Variants in SVOP observed in about 807,000 individuals in gnomAD.
SVOP encodes the protein synaptic vesicle 2-related protein.
In SVOP, 17 loss-of-function variants were observed where a neutral mutation model predicts 69.1. The observed-to-expected ratio is 0.25, with a 90% CI of 0.17 to 0.37. The LOEUF (loss-of-function observed/expected upper bound fraction) is 0.37. SVOP is among the 10% of genes least tolerant of loss of function. The pLI is 1.00. For synonymous variants in SVOP, 238 were observed against 238.6 expected (o/e 1.00, Z 0.02); for missense variants, 435 against 597.5 (o/e 0.73, Z 2.84).
At chr12:109,001,499 A>G (rs1366904811) in intron 1 of SVOP, among the ~76,000 whole-genome samples, 1 of 149,268 alleles carries the variant, frequency 6.7e-6, no homozygotes, top group Non-Finnish European at 1.5e-5. Flanking sequence ...CCGCATTGCC[A>G]AGTCAATCCT....
chr12:108,996,009 T>TACAC (rs148548353), intron 1 of SVOP, among the ~76,000 whole-genome samples: 4 of 151,516 alleles, frequency 2.6e-5, no homozygotes, highest in Admixed American at 2.0e-4. Flanking sequence ...CATACATACA[T>TACAC]ACACACACAC....
chr12:108,929,091 T>C (rs183752358), intron 11 of SVOP, among the ~76,000 whole-genome samples: 7 of 152,320 alleles, frequency 4.6e-5, no homozygotes, highest in Admixed American at 2.6e-4. Flanking sequence ...GGCACAAAGA[T>C]ACTCAGGCTT....
chr12:108,925,699 A>C (rs780701399), intron 11 of SVOP, among the ~76,000 whole-genome samples: 6 of 152,118 alleles, frequency 3.9e-5, no homozygotes, highest in Non-Finnish European at 8.8e-5. Flanking sequence ...ACTCCAGCAC[A>C]CTGGTCTCCT....
At chr12:108,977,899 AAT>A (rs1415321382) in intron 3 of SVOP, among the ~76,000 whole-genome samples, 1 of 152,214 alleles carries the variant, frequency 6.6e-6, no homozygotes, top group Non-Finnish European at 1.5e-5. Context: ...AATAGAATAT[AAT>A]TGTCAGTATA....
chr12:108,948,034 A>T (rs1446167946), intron 6 of SVOP, among the ~76,000 whole-genome samples: 1 of 152,040 alleles, frequency 6.6e-6, no homozygotes, highest in African/African-American at 2.4e-5. Flanking sequence ...ATCACCCCAG[A>T]GGTACCTAGG....
chr12:108,982,029 CATCATCATCACT>C (rs2040138401), intron 2 of SVOP, among the ~76,000 whole-genome samples: 1 of 151,298 alleles, frequency 6.6e-6, no homozygotes, highest in East Asian at 2.0e-4. Flanking sequence ...TCATCACCAC[CATCATCATCACT>C]ATCATCATCA....
At chr12:109,015,792 C>CAACAA (rs1416146764) in intron 1 of SVOP, among the ~76,000 whole-genome samples, 10 of 152,132 alleles carry the variant, frequency 6.6e-5, no homozygotes, top group African/African-American at 1.2e-4. Context: ...GACTCTGTCT[C>CAACAA]AACAAAACAA....
In SVOP at chr12:108,933,026, A is replaced by T. The variant is rs2039831377; in HGVS notation, c.1048+1169T>A. ...CCTGAGTAGCTGGGATTACAAGCAC[A>T]TACCACCGCAACCAGCTAATTTTTG... is the stretch of plus-strand genomic sequence containing the variant. On this transcript the variant is annotated intron_variant, in intron 11 of 15. Transcript: ENST00000610966. Among the ~76,000 whole-genome samples, 3 of 152,074 alleles carry T rather than the reference A, an allele frequency of 2.0e-5. No homozygotes were observed. In the South Asian group the frequency reaches 6.2e-4, roughly 32 times the overall value.
intron 2 of SVOP, among the ~76,000 whole-genome samples, chr12:108,982,714 C>A (rs930666489): frequency 2.2e-4 from 21 of 94,628 alleles, no homozygotes; most frequent in African/African-American, 9.3e-4. Flanking sequence ...TCACTGTCAC[C>A]ATCATCATCA....
At chr12:109,003,467 G>A (rs1015972315) in intron 1 of SVOP, among the ~76,000 whole-genome samples, 2 of 152,202 alleles carry the variant, frequency 1.3e-5, no homozygotes, top group Non-Finnish European at 1.5e-5. Flanking sequence ...AACTGAGCTT[G>A]ATGAAGAGGA....
At chr12:108,977,614 A>G (rs2137434204) in intron 3 of SVOP, 118 bp from the exon 4 acceptor site, 1 of 629,044 alleles carries the variant, frequency 1.6e-6, no homozygotes, top group South Asian at 1.9e-5. Flanking sequence ...CCCATTGCCA[A>G]GTGCCCTGCT....
intron 1 of SVOP, among the ~76,000 whole-genome samples, chr12:108,985,325 GAAGGAAGC>G (rs1174738200): frequency 1.3e-5 from 2 of 151,690 alleles, no homozygotes; most frequent in Non-Finnish European, 2.9e-5. Flanking sequence ...AAAAAGGAAG[GAAGGAAGC>G]AAGGAAGGAA....
At chr12:108,956,416 G>A (rs903754733) in intron 6 of SVOP, among the ~76,000 whole-genome samples, 3 of 152,054 alleles carry the variant, frequency 2.0e-5, no homozygotes, top group East Asian at 1.9e-4. Flanking sequence ...CCCCTGAGGG[G>A]GTGGGCGCTC....
intron 11 of SVOP, among the ~76,000 whole-genome samples, chr12:108,926,110 A>G (rs972207094): frequency 6.6e-6 from 1 of 152,056 alleles, no homozygotes; most frequent in Non-Finnish European, 1.5e-5. Context: ...TTGTAGAGAT[A>G]GGAATTTGCC....
chr12:108,922,585 A>G (rs1566047806), intron 12 of SVOP, 105 bp downstream of exon 12: 7 of 797,916 alleles, frequency 8.8e-6, no homozygotes, highest in Non-Finnish European at 1.1e-5. Flanking sequence ...CTCGCTGACT[A>G]AAAATGGGAT....
At chr12:109,006,043 GTTGTTTTGTT>G (rs5800841) in intron 1 of SVOP, among the ~76,000 whole-genome samples, 8 of 152,034 alleles carry the variant, frequency 5.3e-5, no homozygotes, top group Admixed American at 2.0e-4. Context: ...AGGAAAGTGG[GTTGTTTTGTT>G]TTGTTTTGTT....
At chr12:108,960,808 T>G in intron 6 of SVOP, 115 bp downstream of exon 6, 1 of 1,287,080 alleles carries the variant, frequency 7.8e-7, no homozygotes, top group Non-Finnish European at 1.0e-6. Flanking sequence ...AGCCCTGGTA[T>G]AGCTATCTCT....
At chr12:108,980,309 C>A (rs1293907142) in intron 2 of SVOP, among the ~76,000 whole-genome samples, 2 of 152,152 alleles carry the variant, frequency 1.3e-5, no homozygotes, top group Admixed American at 1.3e-4. Flanking sequence ...TGTAGTTGAG[C>A]TAATAGTAGC....
At chr12:109,014,614 C>T (rs936746165) in intron 1 of SVOP, among the ~76,000 whole-genome samples, 1 of 152,172 alleles carries the variant, frequency 6.6e-6, no homozygotes, top group Non-Finnish European at 1.5e-5. Flanking sequence ...TGAGGAACTG[C>T]CATACTCTTT....
Sources: allele counts gnomAD v4.1 joint callset (sites outside exome capture counted in the v4.1 genomes callset), GRCh38; gene constraint gnomAD v4.1.1; transcripts MANE v1.5; gene names NCBI Gene and HGNC (gene_info 2026-07-23, HGNC 2026-07-21).